DOCK11: variants seen among roughly 807,000 people sequenced by gnomAD.
DOCK11 encodes dedicator of cytokinesis protein 11.
In DOCK11, 70 loss-of-function variants were observed where a neutral mutation model predicts 169.1. The observed-to-expected ratio is 0.41, with a 90% CI of 0.34 to 0.51. The LOEUF is 0.51. DOCK11 is among the 20% of genes least tolerant of loss of function. The pLI is 0.10. For missense variants in DOCK11, 1,166 were observed against 1,538.8 expected (o/e 0.76, Z 4.05); for synonymous variants, 529 against 541.3 (o/e 0.98, Z 0.32).
chrX:118,496,812 C>T (rs944367397), intron 1 of DOCK11, among the ~76,000 whole-genome samples: 3 of 111,253 alleles, frequency 2.7e-5, no homozygotes. Flanking sequence ...GGGACGGTGC[C>T]GTGGGGATTT....
intron 6 of DOCK11, among the ~76,000 whole-genome samples, chrX:118,557,228 A>T (rs762951044): frequency 1.8e-5 from 2 of 111,647 alleles, no homozygotes; most frequent in South Asian, 7.6e-4. Flanking sequence ...ATATTTGTAT[A>T]GGGATCACTC....
intron 1 of DOCK11, among the ~76,000 whole-genome samples, chrX:118,521,872 G>A (rs1394194866): frequency 1.8e-5 from 2 of 110,544 alleles, no homozygotes; most frequent in African/African-American, 6.6e-5. Flanking sequence ...ACTAGAATGT[G>A]GTAAAAAAAA....
At chrX:118,527,621 G>C (rs1434712284) in intron 1 of DOCK11, among the ~76,000 whole-genome samples, 4 of 111,778 alleles carry the variant, frequency 3.6e-5, no homozygotes, top group Non-Finnish European at 7.5e-5. Context: ...TATGGATGGT[G>C]GTTTTCCAAG....
At chrX:118,544,644 G>GT (rs1439441148) in intron 4 of DOCK11, among the ~76,000 whole-genome samples, 2 of 45,741 alleles carry the variant, frequency 4.4e-5, no homozygotes, top group Non-Finnish European at 8.1e-5. Context: ...TTACACTGTT[G>GT]CTTTTTTTTT....
intron 1 of DOCK11, among the ~76,000 whole-genome samples, chrX:118,531,098 A>C (rs928604159): frequency 1.8e-5 from 2 of 110,741 alleles, no homozygotes; most frequent in African/African-American, 6.6e-5. Context: ...CTCATCTCTT[A>C]CTAAATATTG....
chrX:118,573,958 C>A lies in DOCK11; in HGVS notation c.1329C>A (p.Gly443=). The part of the protein sequence containing the change: ...TQLASDGSPK[G]SSPESYIHGI... ...TGGCCAGTGACGGTAGCCCAAAGGG[C>A]TCTTCACCCGAATCTTACATTCATG... The change falls in exon 12 of 53, where the codon GGC becomes GGA. Residue 443 remains glycine (G), a synonymous_variant. Coordinates refer to ENST00000276202, the MANE Select transcript of DOCK11 (RefSeq NM_144658.4). 4 of 1,212,051 alleles carry A rather than the reference C, an allele frequency of 3.3e-6. 1 individual carries two copies.
At chrX:118,509,294 CAG>C (rs1397213929) in intron 1 of DOCK11, among the ~76,000 whole-genome samples, 6 of 108,492 alleles carry the variant, frequency 5.5e-5, no homozygotes, top group East Asian at 2.9e-4. Flanking sequence ...TTTCTGGAAA[CAG>C]AGTCTTCCCA....
At chrX:118,539,704 T>A (rs954836305) in intron 1 of DOCK11, among the ~76,000 whole-genome samples, 2 of 111,004 alleles carry the variant, frequency 1.8e-5, no homozygotes, top group Admixed American at 1.9e-4. Flanking sequence ...ATTAAAAAAA[T>A]AAGTGATTCA....
At chrX:118,610,821 A>C (rs1406755254) in intron 28 of DOCK11, among the ~76,000 whole-genome samples, 2 of 111,339 alleles carry the variant, frequency 1.8e-5, no homozygotes. Context: ...GGCGGATCAC[A>C]TGAGGTCAGG....
At chrX:118,613,974 A>G (rs747087504) in intron 28 of DOCK11, among the ~76,000 whole-genome samples, 1 of 112,268 alleles carries the variant, frequency 8.9e-6, no homozygotes, top group Non-Finnish European at 1.9e-5. Flanking sequence ...ATTAGAGACA[A>G]TAGGGAACTA....
Position 118,641,266 on chromosome X carries a change from A to G in DOCK11, c.4221A>G (p.Thr1407=), listed in dbSNP as rs945229334. The change falls in exon 39 of 53, where the codon ACA becomes ACG. Residue 1407 remains threonine, a synonymous_variant. Transcript: ENST00000276202. ...EGNTATEVSL[T]VLDTISFFTQ... is the part of the protein sequence containing the mutation. ...ATACAGCTACTGAAGTTTCCCTAAC[A>G]GTACTAGACACCATATCATTTTTCA... 1.2e-5 allele frequency: 14 copies of G among 1,204,259 alleles called. No homozygotes were observed. The highest frequency in any genetic ancestry group is 1.7e-5 in the African/African-American group (1 of 57,220).
intron 20 of DOCK11, 57 bp downstream of exon 20, chrX:118,593,394 G>A (rs754511615): frequency 3.7e-6 from 4 of 1,086,508 alleles, no homozygotes; most frequent in East Asian, 6.5e-5. Context: ...AACTGTCCAG[G>A]GTATAACCTC....
At chrX:118,525,843 G>A (rs762890169) in intron 1 of DOCK11, among the ~76,000 whole-genome samples, 32 of 111,232 alleles carry the variant, frequency 2.9e-4, no homozygotes, top group Admixed American at 2.3e-3. Flanking sequence ...GAAAAAGAAC[G>A]TAACACCTCC....
chrX:118,590,583 A>C (rs2013964461), intron 19 of DOCK11, among the ~76,000 whole-genome samples: 1 of 111,834 alleles, frequency 8.9e-6, no homozygotes, highest in African/African-American at 3.3e-5. Flanking sequence ...TAGCTTTGAC[A>C]GTGCTGGCTC....
At chrX:118,659,283 C>G (rs1221073552) in intron 44 of DOCK11, among the ~76,000 whole-genome samples, 2 of 109,392 alleles carry the variant, frequency 1.8e-5, no homozygotes, top group African/African-American at 6.5e-5. Flanking sequence ...GAACAGCAGT[C>G]AGGAATACAG....
At chrX:118,568,673 G>A (rs2013165676) in intron 10 of DOCK11, among the ~76,000 whole-genome samples, 2 of 109,060 alleles carry the variant, frequency 1.8e-5, no homozygotes, top group Admixed American at 2.0e-4. Context: ...GGAGGGTGGT[G>A]CAGGAAGGTG....
chrX:118,564,703 C>A (rs1224954525), intron 7 of DOCK11, among the ~76,000 whole-genome samples: 1 of 88,052 alleles, frequency 1.1e-5, no homozygotes, highest in Non-Finnish European at 2.4e-5. Flanking sequence ...CTTTCTGTTT[C>A]TTTCTCTTTC....
chrX:118,562,811 C>T (rs1386800914), intron 7 of DOCK11, among the ~76,000 whole-genome samples: 4 of 112,534 alleles, frequency 3.6e-5, no homozygotes, highest in African/African-American at 6.5e-5. Flanking sequence ...TCCTCACCCT[C>T]GTGACTACCA....
At chrX:118,496,138 G>T in intron 1 of DOCK11, 65 bp downstream of exon 1, 1 of 797,482 alleles carries the variant, frequency 1.3e-6, no homozygotes, top group Non-Finnish European at 1.6e-6. Flanking sequence ...GCGGGAAGGG[G>T]CAGGAACGGC....
Sources: allele counts gnomAD v4.1 joint callset (sites outside exome capture counted in the v4.1 genomes callset), GRCh38; gene constraint gnomAD v4.1.1; transcripts MANE v1.5; gene names NCBI Gene and HGNC (gene_info 2026-07-23, HGNC 2026-07-21).